Variants in FMR1 observed in about 807,000 individuals in gnomAD.
The protein encoded by FMR1 is fragile X messenger ribonucleoprotein 1.
In FMR1, 13 loss-of-function variants were observed where a neutral mutation model predicts 50.6. The observed-to-expected ratio is 0.26, with a 90% CI of 0.17 to 0.41. The LOEUF is 0.41. Among genes scored for constraint, FMR1 ranks in the 10% least tolerant of loss-of-function variants. The pLI is 1.00. For missense variants in FMR1, 316 were observed against 491.3 expected (o/e 0.64, Z 3.37); for synonymous variants, 138 against 164.1 (o/e 0.84, Z 1.22).
At chrX:147,932,098 C>T (rs1222967275) in intron 7 of FMR1, among the ~76,000 whole-genome samples, 1 of 111,698 alleles carries the variant, frequency 9.0e-6, no homozygotes, top group Non-Finnish European at 1.9e-5. Context: ...TACTGGGGAA[C>T]ATTTGACCTG....
At chrX:147,948,529 A>G in intron 16 of FMR1, 154 bp from the exon 17 acceptor site, 1 of 1,116,513 alleles carries the variant, frequency 9.0e-7, no homozygotes, top group Non-Finnish European at 1.2e-6. Flanking sequence ...AAAGAATCCT[A>G]CCTTACATTA....
In FMR1 at chrX:147,949,769, C is replaced by G. The variant is rs897315066; in HGVS notation, c.*925C>G. ...TATGCCTGCTCTTTGGCCTGATGACCAATTTTAACTTAGAGCTTTTTTTTT... is the reference window on the plus strand; with the variant it reads ...TATGCCTGCTCTTTGGCCTGATGACGAATTTTAACTTAGAGCTTTTTTTTT... On this transcript the variant is annotated 3_prime_UTR_variant, in exon 17 of 17. Transcript: ENST00000370475. The G allele has an allele frequency of 3.1e-6, 1 of 326,481 alleles. No individual in the cohort carries two copies. The highest frequency in any genetic ancestry group is 5.9e-6 in the Non-Finnish European group (1 of 169,353). The allele number at this position is 326,481 out of a possible 1,213,427, so 26.9% of individuals were successfully genotyped here. A position where few individuals can be genotyped will look rare whatever the true frequency, so the allele number is the denominator to read the frequency against.
intron 9 of FMR1, 48 bp downstream of exon 9, chrX:147,932,811 G>A (rs375742707): frequency 2.0e-4 from 170 of 871,178 alleles, no homozygotes; most frequent in Non-Finnish European, 2.7e-4. Flanking sequence ...CTAAGTTTAG[G>A]TAAACAGTTT....
At chrX:147,941,811 T>C (rs1557180987) in intron 13 of FMR1, among the ~76,000 whole-genome samples, 2 of 112,649 alleles carry the variant, frequency 1.8e-5, no homozygotes. Context: ...TGTTCTTTCT[T>C]AGATCCTTTG....
intron 9 of FMR1, among the ~76,000 whole-genome samples, chrX:147,933,101 G>T (rs782253006): frequency 1.1e-5 from 1 of 87,509 alleles, no homozygotes; most frequent in Admixed American, 1.6e-4. Flanking sequence ...CTGTGTCCAT[G>T]TGTTCTCATT....
chrX:147,918,555 CTTTTTTTTTTT>C (rs368581020), intron 1 of FMR1, among the ~76,000 whole-genome samples: 14 of 47,276 alleles, frequency 3.0e-4, no homozygotes, highest in Admixed American at 3.9e-4. Context: ...CCTGCAAAAG[CTTTTTTTTTTT>C]TTTTTTTTTT....
chrX:147,931,832 C>A (rs909257728), intron 7 of FMR1, among the ~76,000 whole-genome samples: 17 of 111,370 alleles, frequency 1.5e-4, no homozygotes, highest in Non-Finnish European at 2.8e-4. Flanking sequence ...TTTGATTATT[C>A]AGTTTAACTA....
intron 1 of FMR1, among the ~76,000 whole-genome samples, chrX:147,921,461 GTATATA>G (rs782412079): frequency 9.3e-6 from 1 of 107,505 alleles, no homozygotes; most frequent in East Asian, 2.9e-4. Context: ...TTGTGTGTGC[GTATATA>G]TATATATATA....
chrX:147,928,590 T>G, intron 4 of FMR1, 69 bp from the exon 5 acceptor site: 1 of 992,183 alleles, frequency 1.0e-6, no homozygotes, highest in Non-Finnish European at 1.4e-6. Context: ...TTAAAATAAC[T>G]GAATAGGGAG....
At chrX:147,921,016 G>C (rs1294008097) in intron 1 of FMR1, among the ~76,000 whole-genome samples, 2 of 111,891 alleles carry the variant, frequency 1.8e-5, no homozygotes, top group African/African-American at 6.5e-5. Flanking sequence ...AAGGAGTTTG[G>C]CTATGGTCCT....
intron 10 of FMR1, 114 bp from the exon 11 acceptor site, chrX:147,937,350 CTG>C: frequency 5.9e-6 from 3 of 505,960 alleles, no homozygotes; most frequent in East Asian, 3.7e-5. Context: ...TAAACCAAAA[CTG>C]TTTATAATAA....
rs1557183252 is a variant in FMR1, at chrX:147,950,055, G to A, written c.*1211G>A. On this transcript the variant is annotated 3_prime_UTR_variant, in exon 17 of 17. Coordinates refer to ENST00000370475, the MANE Select transcript of FMR1 (RefSeq NM_002024.6). ...CTTTTTTTCTTTTGTTTTTTGAAGTGTTGGGGTTTGGTTTTGTTTTTTGAG... is the reference window on the plus strand; with the variant it reads ...CTTTTTTTCTTTTGTTTTTTGAAGTATTGGGGTTTGGTTTTGTTTTTTGAG... 1 of 321,110 alleles carries A rather than the reference G, an allele frequency of 3.1e-6. No homozygotes were observed. Among genetic ancestry groups the A allele is most frequent in the East Asian group, 9.7e-5 (1 of 10,268 alleles). 26.5% of individuals were successfully genotyped at this position (321,110 alleles called of 1,213,427 possible). A position where few individuals can be genotyped will look rare whatever the true frequency, so the allele number is the denominator to read the frequency against.
At chrX:147,912,427 C>G in intron 1 of FMR1, among the ~76,000 whole-genome samples, 197 bp downstream of exon 1, 1 of 111,465 alleles carries the variant, frequency 9.0e-6, no homozygotes, top group Middle Eastern at 4.6e-3. Flanking sequence ...CCGAGAGGCC[C>G]TAGCGCCTAT....
At chrX:147,936,421 A>G (rs1031590314) in intron 9 of FMR1, 83 bp from the exon 10 acceptor site, 27 of 596,103 alleles carry the variant, frequency 4.5e-5, no homozygotes, top group Non-Finnish European at 7.2e-5. Context: ...TATCTATATG[A>G]ATGTAATAGT....
At chrX:147,940,837 CTT>C (rs1258780559) in intron 13 of FMR1, among the ~76,000 whole-genome samples, 175 bp downstream of exon 13, 7 of 111,944 alleles carry the variant, frequency 6.3e-5, no homozygotes, top group Non-Finnish European at 9.4e-5. Context: ...AAATGGAAGT[CTT>C]TATAAATTTA....
chrX:147,931,053 A>G (rs1488521230), intron 7 of FMR1: 1 of 111,959 alleles, frequency 8.9e-6, no homozygotes, highest in Non-Finnish European at 1.9e-5. Flanking sequence ...CAGAAGGGGA[A>G]AAGTTTAATC....
rs2043649981 is a variant in FMR1, at chrX:147,932,822, A to G, written c.880+59A>G. ...ACAACTAAGTTTAGGTAAACAGTTT[A>G]TTTATAGTGATAGAATTCCATTTTT... On this transcript the variant is annotated intron_variant, in intron 9 of 16. Coordinates refer to ENST00000370475, the MANE Select transcript of FMR1 (RefSeq NM_002024.6). The G allele has an allele frequency of 3.9e-6, 3 of 772,154 alleles. No homozygotes were observed. The Middle Eastern group carries it at 1.3e-3, about 346-fold the overall frequency. The allele number at this position is 772,154 out of a possible 1,213,427, so 63.6% of individuals were successfully genotyped here.
intron 16 of FMR1, 102 bp from the exon 17 acceptor site, chrX:147,948,581 T>G: frequency 1.4e-5 from 16 of 1,180,924 alleles, no homozygotes; most frequent in Non-Finnish European, 1.8e-5. Context: ...TTTCTCTTTT[T>G]AACATGTGGA....
chrX:147,931,275 G>T (rs2043597652), intron 7 of FMR1, among the ~76,000 whole-genome samples: 2 of 111,543 alleles, frequency 1.8e-5, no homozygotes, highest in African/African-American at 6.5e-5. Context: ...ATTCTTAAAT[G>T]ATCTATCATA....
Sources: allele counts gnomAD v4.1 joint callset (sites outside exome capture counted in the v4.1 genomes callset), GRCh38; gene constraint gnomAD v4.1.1; transcripts MANE v1.5; gene names NCBI Gene and HGNC (gene_info 2026-07-23, HGNC 2026-07-21).